CDH4: variants seen among roughly 807,000 people sequenced by gnomAD.
CDH4 encodes the protein cadherin 4, also known as cadherin-4.
Under a neutral mutation model 86.0 loss-of-function variants are expected in CDH4, and 33 were observed. That is an observed-to-expected ratio of 0.38 (90% CI 0.29 to 0.51). The LOEUF is 0.51. CDH4 is among the 20% of genes least tolerant of loss of function. The probability of loss-of-function intolerance (pLI) is 0.86; values close to 1 mark genes in which losing one functional copy is unlikely to be tolerated. For missense variants in CDH4, 1,114 were observed against 1,307.4 expected (o/e 0.85, Z 2.28); for synonymous variants, 555 against 549.4 (o/e 1.01, Z -0.14).
At chr20:61,267,577 G>A (rs2084163807) in intron 2 of CDH4, among the ~76,000 whole-genome samples, 1 of 152,204 alleles carries the variant, frequency 6.6e-6, no homozygotes, top group African/African-American at 2.4e-5. Context: ...GAATTAAAAT[G>A]TATATGGAAC....
chr20:61,296,903 G>C (rs1378181840), intron 2 of CDH4, among the ~76,000 whole-genome samples: 2 of 152,188 alleles, frequency 1.3e-5, no homozygotes, highest in African/African-American at 4.8e-5. Flanking sequence ...GACGATGGAT[G>C]CCTTTAAGTC....
At chr20:61,725,738 G>C (rs960395576) in intron 2 of CDH4, among the ~76,000 whole-genome samples, 20 of 152,034 alleles carry the variant, frequency 1.3e-4, no homozygotes, top group African/African-American at 4.6e-4. Flanking sequence ...AGACACAAGG[G>C]GGGAGGAGGC....
At chr20:61,375,919 TTGGTGCTGGTGATGATGG>T (rs2084867318) in intron 2 of CDH4, among the ~76,000 whole-genome samples, 1 of 139,254 alleles carries the variant, frequency 7.2e-6, no homozygotes, top group African/African-American at 2.7e-5. Flanking sequence ...TGTGATGGTC[TTGGTGCTGGTGATGATGG>T]TGGTGCTGGT....
intron 2 of CDH4, among the ~76,000 whole-genome samples, chr20:61,642,277 C>T (rs1291604754): frequency 6.6e-6 from 1 of 152,108 alleles, no homozygotes. Flanking sequence ...CTGAGGCCCA[C>T]GGAAGTCCTA....
At chr20:61,331,388 T>A (rs6124085) in intron 2 of CDH4, among the ~76,000 whole-genome samples, 90,532 of 151,848 alleles carry the variant, frequency 0.6, 27,035 homozygotes, top group Middle Eastern at 0.76. Context: ...CTGTGTCCAG[T>A]CCCTTCGCCG....
chr20:61,921,349 T>C (rs2054981214), intron 9 of CDH4, among the ~76,000 whole-genome samples: 2 of 152,278 alleles, frequency 1.3e-5, no homozygotes, highest in South Asian at 4.1e-4. Context: ...CTCACAGTGA[T>C]AGGCACGCTG....
At chr20:61,396,683 A>C (rs2085019222) in intron 2 of CDH4, among the ~76,000 whole-genome samples, 1 of 151,964 alleles carries the variant, frequency 6.6e-6, no homozygotes, top group Non-Finnish European at 1.5e-5. Flanking sequence ...CAGCGTCTCC[A>C]CGTTTCTCGG....
chr20:61,848,259 C>T (rs1445792101), intron 5 of CDH4, among the ~76,000 whole-genome samples: 3 of 152,226 alleles, frequency 2.0e-5, no homozygotes, highest in Non-Finnish European at 4.4e-5. Flanking sequence ...TGAGGGAGCC[C>T]AGGGCGGTGG....
intron 9 of CDH4, among the ~76,000 whole-genome samples, chr20:61,920,553 T>C (rs2054966079): frequency 6.6e-6 from 1 of 150,976 alleles, no homozygotes; most frequent in Non-Finnish European, 1.5e-5. Context: ...GGAAGCACCG[T>C]GTCATGGTGA....
chr20:61,573,286 A>G (rs1363512666), intron 2 of CDH4, among the ~76,000 whole-genome samples: 1 of 152,176 alleles, frequency 6.6e-6, no homozygotes, highest in East Asian at 1.9e-4. Flanking sequence ...TGGGAAGGAG[A>G]GTCAAAGTCC....
At chr20:61,905,487 C>T (rs2054779180) in intron 8 of CDH4, among the ~76,000 whole-genome samples, 2 of 152,158 alleles carry the variant, frequency 1.3e-5, no homozygotes, top group African/African-American at 4.8e-5. Context: ...ACAGACGCTA[C>T]AGAGGATGTG....
chr20:61,693,008 GC>G (rs1257526684), intron 2 of CDH4, among the ~76,000 whole-genome samples: 4 of 152,132 alleles, frequency 2.6e-5, no homozygotes, highest in African/African-American at 9.7e-5. Context: ...AGCTCAGCCA[GC>G]CCCGGGATGG....
Position 61,582,484 on chromosome 20 carries a change from G to A in CDH4, c.170-161079G>A, listed in dbSNP as rs966737857. ...CCCTGGGCTCCAGGCTAACTCTCTG[G>A]AATGTTCCAACCTGGTTTCTGGGCA... On this transcript the variant is annotated intron_variant, in intron 2 of 15. Transcript: ENST00000614565. The surrounding 1 kb of genome is among the most constrained non-coding windows in gnomAD (Gnocchi z 4.2). Among the ~76,000 whole-genome samples the A allele has an allele frequency of 6.6e-6, 1 of 152,210 alleles. No individual in the cohort carries two copies.
At chr20:61,372,605 T>G (rs911863400) in intron 2 of CDH4, among the ~76,000 whole-genome samples, 9 of 152,240 alleles carry the variant, frequency 5.9e-5, no homozygotes, top group African/African-American at 2.2e-4. Context: ...TGTGGTGGAC[T>G]TGGGTGGCTG....
chr20:61,749,970 A>G lies in CDH4; in HGVS notation c.396+6181A>G, dbSNP rs1327307909. Among the ~76,000 whole-genome samples, 4 of 152,292 alleles carry G rather than the reference A, an allele frequency of 2.6e-5. No homozygotes were observed. The East Asian group carries it at 7.7e-4, about 29-fold the overall frequency. ...CAGCTGCTCAGGAGGCTGAGGCAGG[A>G]GAATTGCTCGAACCCAGGGGACAGA... On this transcript the variant is annotated intron_variant, in intron 3 of 15. Coordinates refer to ENST00000614565, the MANE Select transcript of CDH4 (RefSeq NM_001794.5).
chr20:61,683,441 T>G (rs1023575800), intron 2 of CDH4, among the ~76,000 whole-genome samples: 2 of 152,158 alleles, frequency 1.3e-5, no homozygotes, highest in Non-Finnish European at 2.9e-5. Context: ...TCACGGTGTA[T>G]CTGGTGTCCC....
chr20:61,618,434 C>T (rs775153865), intron 2 of CDH4, among the ~76,000 whole-genome samples: 5 of 152,206 alleles, frequency 3.3e-5, no homozygotes, highest in African/African-American at 9.6e-5. Flanking sequence ...AAAGGACAAG[C>T]AAAAGAAGCA....
intron 2 of CDH4, among the ~76,000 whole-genome samples, chr20:61,459,094 T>C (rs1199620138): frequency 6.6e-6 from 1 of 152,084 alleles, no homozygotes; most frequent in Non-Finnish European, 1.5e-5. Context: ...CAGCTCACAC[T>C]GTGCCCTGGA....
intron 2 of CDH4, among the ~76,000 whole-genome samples, chr20:61,693,672 C>A (rs369715112): frequency 6.6e-6 from 1 of 152,192 alleles, no homozygotes; most frequent in African/African-American, 2.4e-5. Context: ...TGAGCTACAG[C>A]GTTAGAGGGC....
Sources: allele counts gnomAD v4.1 joint callset (sites outside exome capture counted in the v4.1 genomes callset), GRCh38; gene constraint gnomAD v4.1.1; non-coding constraint Gnocchi (gnomAD v3.1); transcripts MANE v1.5; gene names NCBI Gene and HGNC (gene_info 2026-07-23, HGNC 2026-07-21).